Variants in DBF4B observed in about 807,000 individuals in gnomAD.
DBF4B encodes the protein protein DBF4 homolog B.
In DBF4B, 49 loss-of-function variants were observed where a neutral mutation model predicts 53.4. The ratio of observed to expected loss-of-function variants is 0.92; its 90% CI spans 0.73 to 1.16. DBF4B has a LOEUF of 1.16. Among genes scored for constraint, DBF4B ranks in the 50% most tolerant of loss-of-function variants. The pLI is 0.00. For synonymous variants in DBF4B, 257 were observed against 288.7 expected (o/e 0.89, Z 1.11); for missense variants, 692 against 775.0 (o/e 0.89, Z 1.27).
chr17:44,721,318 A>G (rs899832683), intron 2 of DBF4B, among the ~76,000 whole-genome samples: 1 of 146,352 alleles, frequency 6.8e-6, no homozygotes, highest in Admixed American at 7.0e-5. Context: ...TCCCAGGATC[A>G]TGCAATTCTT....
chr17:44,718,994 G>A (rs1403337097), intron 2 of DBF4B: 1 of 149,018 alleles, frequency 6.7e-6, no homozygotes, highest in African/African-American at 2.4e-5. Context: ...TTGAGACGGA[G>A]TCTTGTTCTG....
At position 44,749,442 on chromosome 17, in the gene DBF4B, C is replaced by A; in HGVS notation, c.1189+977C>A. On this transcript the variant is annotated intron_variant, in intron 13 of 13. Coordinates refer to ENST00000315005, the MANE Select transcript of DBF4B (RefSeq NM_145663.3). This position sits in a 1 kb window ranked among gnomAD's most constrained non-coding sequence, Gnocchi z 4.4. Reference sequence around the variant, plus strand: ...GACCAGGACGCAGGAGGGGCAGAACCCCAGGACTTCCCCAAAAGAGCTAGA... The same window carrying A: ...GACCAGGACGCAGGAGGGGCAGAACACCAGGACTTCCCCAAAAGAGCTAGA... 7.8e-7 allele frequency: 1 copy of A among 1,289,320 alleles called. No homozygotes were observed. The highest frequency in any genetic ancestry group is 5.5e-5 in the East Asian group (1 of 18,020). The allele number at this position is 1,289,320 out of a possible 1,614,324, so 79.9% of individuals were successfully genotyped here. A position where few individuals can be genotyped will look rare whatever the true frequency, so the allele number is the denominator to read the frequency against.
intron 3 of DBF4B, among the ~76,000 whole-genome samples, chr17:44,725,162 A>G (rs1339999218): frequency 6.6e-6 from 1 of 151,380 alleles, no homozygotes; most frequent in Non-Finnish European, 1.5e-5. Context: ...GCAGTGGCAC[A>G]TGCCTGTAGT....
rs1290632656 is a variant in DBF4B, at chr17:44,722,813, GA to G, written c.83-66del. On this transcript the variant is annotated intron_variant, in intron 2 of 13. Transcript: ENST00000315005. The stretch of plus-strand genomic sequence containing the variant: ...ATAGCACACAGACTGAGCTGTCAGT[GA>G]GGGCCACCTGGCTTCAGGACTCTCT... The G allele has an allele frequency of 1.8e-5, 28 of 1,582,580 alleles. No individual in the cohort carries two copies. In the African/African-American group the frequency reaches 2.4e-4, roughly 14 times the overall value.
chr17:44,744,900 T>A (rs1403839671), intron 10 of DBF4B, among the ~76,000 whole-genome samples: 1 of 152,210 alleles, frequency 6.6e-6, no homozygotes, highest in African/African-American at 2.4e-5. Context: ...ACTTTGCCCA[T>A]TTTTTATTTG....
At position 44,749,457 on chromosome 17, in the gene DBF4B, A is replaced by G. The variant is rs1460029399; in HGVS notation, c.1189+992A>G. 3.9e-6 allele frequency: 5 copies of G among 1,288,896 alleles called. No homozygotes were observed. The Admixed American group carries it at 1.1e-4, about 30-fold the overall frequency. 79.8% of individuals were successfully genotyped at this position (1,288,896 alleles called of 1,614,324 possible). A position where few individuals can be genotyped will look rare whatever the true frequency, so the allele number is the denominator to read the frequency against. ...GGGGCAGAACCCCAGGACTTCCCCA[A>G]AAGAGCTAGAAGGAGGCCCGGGCCT... On this transcript the variant is annotated intron_variant, in intron 13 of 13. Coordinates refer to ENST00000315005, the MANE Select transcript of DBF4B (RefSeq NM_145663.3). The surrounding 1 kb of genome is among the most constrained non-coding windows in gnomAD (Gnocchi z 4.4).
At chr17:44,730,858 C>T (rs1229669844) in intron 4 of DBF4B, 107 bp from the exon 5 acceptor site, 10 of 1,139,566 alleles carry the variant, frequency 8.8e-6, no homozygotes, top group Admixed American at 2.1e-5. Flanking sequence ...CCCAGCTTTC[C>T]GAGGGACATA....
chr17:44,708,742 A>G lies in DBF4B; in HGVS notation c.-79A>G, dbSNP rs1972589718. On this transcript the variant is annotated 5_prime_UTR_variant, in exon 1 of 14. Coordinates refer to ENST00000315005, the MANE Select transcript of DBF4B (RefSeq NM_145663.3). ...AGATAACCAGGACTGTGGAATCGGG[A>G]AGAGCTCATGGAGCTCGCGAATGTA... 6.7e-7 allele frequency: 1 copy of G among 1,499,826 alleles called. No homozygotes were observed. Among genetic ancestry groups the G allele is most frequent in the Non-Finnish European group, 9.0e-7 (1 of 1,108,354 alleles). 92.9% of individuals were successfully genotyped at this position (1,499,826 alleles called of 1,614,324 possible).
In DBF4B at chr17:44,709,285, CTGTTATG is replaced by C; in HGVS notation, c.20-17_20-11del. ...AGGGTTGGTGAAGATGGTTGAGTTGCTGTTATGTCCTTTCTCAGGAGACGATTGCCTC... is the reference window on the plus strand; with the variant it reads ...AGGGTTGGTGAAGATGGTTGAGTTGCTCCTTTCTCAGGAGACGATTGCCTC... On this transcript the variant is annotated splice_polypyrimidine_tract_variant and intron_variant, in intron 1 of 13. Transcript: ENST00000315005. 6.2e-7 allele frequency: 1 copy of C among 1,613,996 alleles called. No homozygotes were observed. The highest frequency in any genetic ancestry group is 8.5e-7 in the Non-Finnish European group (1 of 1,179,992).
chr17:44,720,243 A>G, intron 2 of DBF4B: 1 of 331,264 alleles, frequency 3.0e-6, no homozygotes, highest in Non-Finnish European at 5.8e-6. Context: ...CTTTAGAGGC[A>G]CATCTTCAGT....
Position 44,726,292 on chromosome 17 carries a change from T to TTTTATGTATTTATTTA in DBF4B, c.225+3275_225+3276insGTATTTATTTATTTAT, listed in dbSNP as rs1555676225. ...GTGTGAGCCATCGCACCCGGCCCTT[T>TTTTATGTATTTATTTA]TTTATTTATTTATTTATTTATTTAT... On this transcript the variant is annotated intron_variant, in intron 3 of 13. Coordinates refer to ENST00000315005, the MANE Select transcript of DBF4B (RefSeq NM_145663.3). Among the ~76,000 whole-genome samples the TTTTATGTATTTATTTA allele has an allele frequency of 8.9e-4, 117 of 132,090 alleles. 3 individuals carry two copies. In the South Asian group the frequency reaches 0.028, roughly 32 times the overall value. 86.7% of individuals were successfully genotyped at this position (132,090 alleles called of 152,430 possible).
In DBF4B at chr17:44,749,834, A is replaced by G. The variant is rs1176074167; in HGVS notation, c.1190-761A>G. 19 of 1,027,594 alleles carry G rather than the reference A, an allele frequency of 1.8e-5. No individual in the cohort carries two copies. The highest frequency in any genetic ancestry group is 2.0e-5 in the Non-Finnish European group (17 of 855,326). 63.7% of individuals were successfully genotyped at this position (1,027,594 alleles called of 1,614,324 possible). A position where few individuals can be genotyped will look rare whatever the true frequency, so the allele number is the denominator to read the frequency against. ...ACCCCCAACCCCGGCCTCCTTTCTC[A>G]CGAGCATGTGGCCGCTCCTGCTTTC... On this transcript the variant is annotated intron_variant, in intron 13 of 13. Coordinates refer to ENST00000315005, the MANE Select transcript of DBF4B (RefSeq NM_145663.3). This position sits in a 1 kb window ranked among gnomAD's most constrained non-coding sequence, Gnocchi z 4.4.
At chr17:44,747,336 T>A in intron 11 of DBF4B, 55 bp from the exon 12 acceptor site, 1 of 1,607,038 alleles carries the variant, frequency 6.2e-7, no homozygotes, top group Non-Finnish European at 8.5e-7. Flanking sequence ...AGCTTCCGTG[T>A]CCCCCTCCCC....
intron 8 of DBF4B, 108 bp from the exon 9 acceptor site, chr17:44,738,271 G>C (rs578162122): frequency 2.4e-6 from 3 of 1,250,382 alleles, no homozygotes; most frequent in East Asian, 2.4e-5. Context: ...CTCTTGCAAG[G>C]CTCTTAGGCT....
chr17:44,741,446 A>C lies in DBF4B; in HGVS notation c.824A>C (p.His275Pro). 6.2e-7 allele frequency: 1 copy of C among 1,600,196 alleles called. No individual in the cohort carries two copies. Among genetic ancestry groups the C allele is most frequent in the Non-Finnish European group, 8.5e-7 (1 of 1,173,078 alleles). Residue 275 changes from histidine to proline, a missense_variant, in exon 10 of 14, where the codon CAT (histidine) becomes CCT (proline). This residue lies in a region of DBF4B where 597 missense variants were observed against 665.8 expected (regional missense o/e 0.90). Transcript: ENST00000315005. ...EAPTTLGSMH[H>P]TRESKDGEPS... Reference sequence around the variant, plus strand: ...CCGACGACCCTGGGCAGCATGCACCATACCAGGTGGGTCTTTCTGGTTCCT... The same window carrying C: ...CCGACGACCCTGGGCAGCATGCACCCTACCAGGTGGGTCTTTCTGGTTCCT...
In DBF4B at chr17:44,751,813, GTTCCTTTTCTCC is replaced by G. The variant is rs765372102; in HGVS notation, c.*563_*574del. ...GACAGGCTACTGGTGACCAAAGTTG[GTTCCTTTTCTCC>G]TTTCTTTCCTCCTTGAAGCCTGGCT... On this transcript the variant is annotated 3_prime_UTR_variant, in exon 14 of 14. Coordinates refer to ENST00000315005, the MANE Select transcript of DBF4B (RefSeq NM_145663.3). 24 of 1,530,158 alleles carry G rather than the reference GTTCCTTTTCTCC, an allele frequency of 1.6e-5. No homozygotes were observed. The highest frequency in any genetic ancestry group is 2.0e-5 in the Non-Finnish European group (23 of 1,143,318). The allele number at this position is 1,530,158 out of a possible 1,614,324, so 94.8% of individuals were successfully genotyped here. A position where few individuals can be genotyped will look rare whatever the true frequency, so the allele number is the denominator to read the frequency against.
chr17:44,728,404 G>C (rs1974541550), intron 3 of DBF4B, among the ~76,000 whole-genome samples: 1 of 152,160 alleles, frequency 6.6e-6, no homozygotes, highest in South Asian at 2.1e-4. Context: ...ATATTGCAAA[G>C]GAGTGGGTAT....
chr17:44,720,923 ATCTTAAC>A (rs1223810090), intron 2 of DBF4B, among the ~76,000 whole-genome samples: 2 of 151,258 alleles, frequency 1.3e-5, no homozygotes, highest in African/African-American at 2.4e-5. Context: ...CAGTAGTGTA[ATCTTAAC>A]TCTTAACTCA....
Position 44,708,834 on chromosome 17 carries a change from G to A in DBF4B, c.14G>A (p.Gly5Glu), listed in dbSNP as rs1972599212. ...AGCCGGCATTTGATGAGCGAACCGG[G>A]AAAGGGTACGGATGCCGGGAAGGGG... MSEP[G>E]KGDDCLELES... Residue 5 changes from glycine (G) to glutamate (E), a missense_variant, in exon 1 of 14, where the codon GGA (glycine) becomes GAA (glutamate). This residue lies in a region of DBF4B where 66 missense variants were observed against 51.3 expected (regional missense o/e 1.29). Coordinates refer to ENST00000315005, the MANE Select transcript of DBF4B (RefSeq NM_145663.3). The A allele has an allele frequency of 1.3e-6, 2 of 1,551,648 alleles. No individual in the cohort carries two copies. The highest frequency in any genetic ancestry group is 1.2e-5 in the South Asian group (1 of 83,996).
Sources: gnomAD v4.1 joint callset for allele counts (sites outside exome capture counted in the v4.1 genomes callset) on GRCh38, gnomAD v4.1.1 for gene constraint, gnomAD v4.1.1 regional missense constraint, Gnocchi (gnomAD v3.1) non-coding constraint, MANE v1.5 for transcripts, NCBI Gene and HGNC (gene_info 2026-07-23, HGNC 2026-07-21) for gene names.